CSMD1: variants seen among roughly 807,000 people sequenced by gnomAD.
The protein encoded by CSMD1 is CUB and Sushi multiple domains 1, also known as CUB and sushi domain-containing protein 1.
Under a neutral mutation model 417.5 loss-of-function variants are expected in CSMD1, and 213 were observed. That is an observed-to-expected ratio of 0.51 (90% confidence interval 0.46 to 0.57). The LOEUF (loss-of-function observed/expected upper bound fraction) is 0.57, where lower values mean the gene tolerates loss of function less well. Ranked by LOEUF, CSMD1 falls within the 20% of genes least tolerant of loss-of-function variation. The probability of loss-of-function intolerance (pLI) is 0.00; values close to 1 mark genes in which losing one functional copy is unlikely to be tolerated. For missense variants in CSMD1, 6,923 were observed against 4,529.7 expected (o/e 1.53, Z -15.17); for synonymous variants, 2,862 against 1,736.8 (o/e 1.65, Z -16.11).
intron 5 of CSMD1, among the ~76,000 whole-genome samples, chr8:3,962,084 T>C (rs762706549): frequency 2.0e-5 from 3 of 152,164 alleles, no homozygotes; most frequent in Non-Finnish European, 4.4e-5. Context: ...AGAGATAACT[T>C]GAGCTTGGAC....
chr8:4,560,286 G>A (rs1414343457), intron 2 of CSMD1, among the ~76,000 whole-genome samples: 1 of 152,358 alleles, frequency 6.6e-6, no homozygotes. Context: ...ACGATGTGCA[G>A]TTCTCTAGAA....
At chr8:3,293,433 T>G (rs1198340062) in intron 25 of CSMD1, among the ~76,000 whole-genome samples, 2 of 152,332 alleles carry the variant, frequency 1.3e-5, no homozygotes, top group African/African-American at 4.8e-5. Flanking sequence ...TCCAACTTGG[T>G]TCCATTCTCC....
chr8:3,628,625 G>T (rs1021112731), intron 7 of CSMD1, among the ~76,000 whole-genome samples: 1 of 152,094 alleles, frequency 6.6e-6, no homozygotes, highest in East Asian at 1.9e-4. Context: ...TGTCTCAGAG[G>T]GAGGCAGCTC....
In CSMD1 at chr8:3,240,607, T is replaced by C. The variant is rs371911672; in HGVS notation, c.4154-10376A>G. Among the ~76,000 whole-genome samples the C allele has an allele frequency of 3.9e-5, 6 of 152,070 alleles. No individual in the cohort carries two copies. In the South Asian group the frequency reaches 1.0e-3, roughly 26 times the overall value. On this transcript the variant is annotated intron_variant, in intron 26 of 69. Transcript: ENST00000635120. ...TTGCGGCAGTACAGCCCGGGTAATC[T>C]GCTGAGCCTGATGGGTGTCAGGGTC...
chr8:3,674,741 C>A (rs988958055), intron 7 of CSMD1, among the ~76,000 whole-genome samples: 2 of 152,146 alleles, frequency 1.3e-5, no homozygotes, highest in African/African-American at 4.8e-5. Flanking sequence ...CCCTGCCCTT[C>A]ATCCCAACTT....
intron 2 of CSMD1, 137 bp downstream of exon 2, chr8:4,637,205 T>C (rs1227903079): frequency 1.1e-5 from 7 of 649,522 alleles, no homozygotes; most frequent in East Asian, 8.1e-5. Context: ...GGCTTCATTC[T>C]TGAAGTCAGC....
intron 5 of CSMD1, among the ~76,000 whole-genome samples, chr8:3,895,984 T>C (rs570335311): frequency 6.6e-6 from 1 of 152,194 alleles, no homozygotes; most frequent in Non-Finnish European, 1.5e-5. Context: ...CCTCCCCTAT[T>C]ACTGTAAATC....
intron 2 of CSMD1, among the ~76,000 whole-genome samples, chr8:4,433,390 T>G (rs1006341048): frequency 6.6e-6 from 1 of 152,062 alleles, no homozygotes; most frequent in Non-Finnish European, 1.5e-5. Context: ...CATCATTACA[T>G]AAATTTCTAC....
chr8:4,764,880 A>AAAAAACAAAAAAAAAAACAAAACAAAAC (rs1812344213), intron 1 of CSMD1, among the ~76,000 whole-genome samples: 1 of 50,768 alleles, frequency 2.0e-5, no homozygotes, highest in African/African-American at 8.1e-5. Context: ...CTCAAAAAAA[A>AAAAAACAAAAAAAAAAACAAAACAAAAC]AAAAAAAAAA....
At chr8:3,555,680 T>A (rs765826393) in intron 10 of CSMD1, among the ~76,000 whole-genome samples, 25 of 152,198 alleles carry the variant, frequency 1.6e-4, no homozygotes, top group Non-Finnish European at 2.5e-4. Context: ...AACTTAAATG[T>A]GAGGGTGCAT....
chr8:3,793,027 G>A (rs1310382805), intron 5 of CSMD1, among the ~76,000 whole-genome samples: 1 of 152,154 alleles, frequency 6.6e-6, no homozygotes, highest in African/African-American at 2.4e-5. Context: ...CTTAAACTCT[G>A]AGGATGGGCG....
chr8:3,775,618 G>C (rs1459354624), intron 5 of CSMD1, among the ~76,000 whole-genome samples: 1 of 152,130 alleles, frequency 6.6e-6, no homozygotes, highest in Non-Finnish European at 1.5e-5. Context: ...GTAAATTGTT[G>C]GGACTCATGT....
At chr8:4,916,349 G>C (rs1358349557) in intron 1 of CSMD1, among the ~76,000 whole-genome samples, 1 of 152,156 alleles carries the variant, frequency 6.6e-6, no homozygotes, top group African/African-American at 2.4e-5. Context: ...TTTAAATATG[G>C]CAAAACCCTT....
intron 28 of CSMD1, among the ~76,000 whole-genome samples, chr8:3,222,011 A>G (rs1203711224): frequency 6.6e-6 from 1 of 151,988 alleles, no homozygotes; most frequent in Admixed American, 6.5e-5. Context: ...ATCCCCTAAC[A>G]GGATTCTGGT....
chr8:4,956,962 A>T (rs563938372), intron 1 of CSMD1, among the ~76,000 whole-genome samples: 149 of 152,308 alleles, frequency 9.8e-4, no homozygotes, highest in African/African-American at 3.6e-3. Flanking sequence ...GCTATTTGGG[A>T]AGCCTAACCA....
At chr8:4,489,405 C>T (rs1049467324) in intron 2 of CSMD1, among the ~76,000 whole-genome samples, 1 of 152,192 alleles carries the variant, frequency 6.6e-6, no homozygotes. Context: ...AAAACATTTA[C>T]CATTCTTCAA....
At chr8:4,186,547 A>G (rs1018601770) in intron 3 of CSMD1, among the ~76,000 whole-genome samples, 3 of 152,206 alleles carry the variant, frequency 2.0e-5, no homozygotes. Flanking sequence ...GCATTATACG[A>G]ATATAAAAGA....
chr8:4,069,188 A>G (rs1277838989), intron 3 of CSMD1, among the ~76,000 whole-genome samples: 1 of 152,214 alleles, frequency 6.6e-6, no homozygotes, highest in Non-Finnish European at 1.5e-5. Flanking sequence ...GCATAAAACC[A>G]CATACTCTGA....
intron 7 of CSMD1, among the ~76,000 whole-genome samples, chr8:3,622,262 A>T (rs2449227): frequency 6.6e-6 from 1 of 151,984 alleles, no homozygotes; most frequent in Admixed American, 6.6e-5. Flanking sequence ...CTTCTATACT[A>T]CCTCAAGCAA....
Sources: gnomAD v4.1 joint callset for allele counts (sites outside exome capture counted in the v4.1 genomes callset) on GRCh38, gnomAD v4.1.1 for gene constraint, MANE v1.5 for transcripts, NCBI Gene and HGNC (gene_info 2026-07-23, HGNC 2026-07-21) for gene names.